ARHGAP24: variants seen among roughly 807,000 people sequenced by gnomAD.
ARHGAP24 encodes Rho GTPase activating protein 24, also known as rho GTPase-activating protein 24.
In ARHGAP24, 50 loss-of-function variants were observed where a neutral mutation model predicts 76.4. That is an observed-to-expected ratio of 0.65 (90% CI 0.52 to 0.83). The LOEUF is 0.83. Among genes scored for constraint, ARHGAP24 ranks in the 40% least tolerant of loss-of-function variants. ARHGAP24 has a pLI of 0.00. For synonymous variants in ARHGAP24, 345 were observed against 323.3 expected, an observed-to-expected ratio of 1.07 and a Z score of -0.72; for missense variants, 930 against 914.2, an observed-to-expected ratio of 1.02 and a Z score of -0.22.
intron 3 of ARHGAP24, among the ~76,000 whole-genome samples, chr4:85,776,273 C>G (rs1727306307): frequency 6.6e-6 from 1 of 152,106 alleles, no homozygotes; most frequent in South Asian, 2.1e-4. Context: ...ATAGCCTGCC[C>G]TGGAGTTCAC....
intron 1 of ARHGAP24, among the ~76,000 whole-genome samples, chr4:85,534,793 G>A (rs1483198014): frequency 6.6e-6 from 1 of 151,992 alleles, no homozygotes; most frequent in East Asian, 1.9e-4. Flanking sequence ...CTAACCTAAT[G>A]GAAGTGGAAG....
chr4:85,678,649 C>T (rs5020451), intron 2 of ARHGAP24, among the ~76,000 whole-genome samples: 141,256 of 152,218 alleles, frequency 0.93, 65,598 homozygotes, highest in East Asian at 0.98. Context: ...GTAAAGTCAG[C>T]ATCAATGTAT....
intron 2 of ARHGAP24, among the ~76,000 whole-genome samples, chr4:85,643,237 T>G (rs1283796233): frequency 2.0e-3 from 4 of 2,018 alleles, no homozygotes; most frequent in African/African-American, 9.0e-3. Context: ...TTTTTGTGTT[T>G]TTTTTTTTTT....
At chr4:85,848,793 T>TC (rs1366519231) in intron 3 of ARHGAP24, among the ~76,000 whole-genome samples, 1 of 152,182 alleles carries the variant, frequency 6.6e-6, no homozygotes, top group Non-Finnish European at 1.5e-5. Context: ...TCTGTTCTGT[T>TC]CCATTGGTCT....
At chr4:85,834,303 G>A (rs1322006342) in intron 3 of ARHGAP24, among the ~76,000 whole-genome samples, 1 of 152,140 alleles carries the variant, frequency 6.6e-6, no homozygotes, top group African/African-American at 2.4e-5. Flanking sequence ...CTTCCTCATA[G>A]TAGGTCCTTT....
chr4:85,495,020 G>A lies in ARHGAP24; in HGVS notation c.-21+19461G>A, dbSNP rs1723506896. ...GGCTGAGGTAGAATGGCATGAACCC[G>A]GGAGGCGGAGCTTGCAGTGAGCCGA... On this transcript the variant is annotated intron_variant, in intron 1 of 9. Transcript: ENST00000395184. Among the ~76,000 whole-genome samples the A allele has an allele frequency of 2.7e-5, 4 of 150,454 alleles. No homozygotes were observed. The South Asian group carries it at 8.4e-4, about 32-fold the overall frequency.
chr4:85,906,490 G>T (rs1282067054), intron 3 of ARHGAP24, among the ~76,000 whole-genome samples: 1 of 152,138 alleles, frequency 6.6e-6, no homozygotes, highest in East Asian at 1.9e-4. Flanking sequence ...AATTTTCTAT[G>T]ATAACTAGTT....
intron 1 of ARHGAP24, among the ~76,000 whole-genome samples, chr4:85,550,108 G>T (rs1270907883): frequency 6.6e-6 from 1 of 151,996 alleles, no homozygotes; most frequent in African/African-American, 2.4e-5. Context: ...TATTCCTTTG[G>T]GTATGTACTC....
chr4:85,477,010 T>G (rs1722625950), intron 1 of ARHGAP24, among the ~76,000 whole-genome samples: 1 of 152,144 alleles, frequency 6.6e-6, no homozygotes, highest in Non-Finnish European at 1.5e-5. Context: ...GACTTCACCT[T>G]TGACATCTTG....
intron 3 of ARHGAP24, among the ~76,000 whole-genome samples, chr4:85,770,310 G>A (rs1164675360): frequency 6.6e-6 from 1 of 152,164 alleles, no homozygotes; most frequent in East Asian, 1.9e-4. Flanking sequence ...GGGAGCCCAA[G>A]TAAGCTTAAT....
chr4:85,713,438 C>A lies in ARHGAP24; in HGVS notation c.181-8447C>A, dbSNP rs190049127. 3.3e-3 allele frequency among the ~76,000 whole-genome samples: 497 copies of A among 151,968 alleles called. 3 individuals are homozygous for A. Among genetic ancestry groups the A allele is most frequent in the Non-Finnish European group, 4.8e-3 (326 of 67,962 alleles). On this transcript the variant is annotated intron_variant, in intron 2 of 9. Transcript: ENST00000395184. ...TAGCAAAATAAAAATCATCTATAAC[C>A]TGACTATCCAAAAATAACCTATATT...
At chr4:85,804,324 A>T (rs904734661) in intron 3 of ARHGAP24, among the ~76,000 whole-genome samples, 1 of 152,210 alleles carries the variant, frequency 6.6e-6, no homozygotes, top group African/African-American at 2.4e-5. Context: ...GCTCTTCATC[A>T]TCTTTACAAC....
At chr4:85,864,907 A>G (rs973197349) in intron 3 of ARHGAP24, among the ~76,000 whole-genome samples, 2 of 152,164 alleles carry the variant, frequency 1.3e-5, no homozygotes, top group South Asian at 2.1e-4. Context: ...AATAAATTAT[A>G]ATACCATCTT....
chr4:85,639,387 A>G (rs897390256), intron 2 of ARHGAP24, among the ~76,000 whole-genome samples: 2 of 152,194 alleles, frequency 1.3e-5, no homozygotes, highest in African/African-American at 2.4e-5. Flanking sequence ...TTATAAAAAA[A>G]TCATTCAGGG....
At chr4:85,763,646 A>G (rs1254051735) in intron 3 of ARHGAP24, among the ~76,000 whole-genome samples, 1 of 152,082 alleles carries the variant, frequency 6.6e-6, no homozygotes, top group East Asian at 1.9e-4. Flanking sequence ...TTATTTCTTT[A>G]TTTTGAAGAG....
chr4:85,815,825 G>C (rs1262149486), intron 3 of ARHGAP24, among the ~76,000 whole-genome samples: 1 of 152,122 alleles, frequency 6.6e-6, no homozygotes, highest in Non-Finnish European at 1.5e-5. Context: ...TTTTCCCGCT[G>C]CTGATAAAGA....
intron 3 of ARHGAP24, among the ~76,000 whole-genome samples, chr4:85,780,685 GA>G (rs1727512563): frequency 2.0e-5 from 3 of 152,178 alleles, no homozygotes; most frequent in Admixed American, 1.3e-4. Context: ...GGACGAATAA[GA>G]GGCAATAACT....
At chr4:85,549,394 C>G (rs1307360456) in intron 1 of ARHGAP24, among the ~76,000 whole-genome samples, 1 of 151,276 alleles carries the variant, frequency 6.6e-6, no homozygotes, top group Non-Finnish European at 1.5e-5. Context: ...ATGTGCAATT[C>G]TCTGATATCT....
At chr4:85,664,706 T>C (rs1308659674) in intron 2 of ARHGAP24, among the ~76,000 whole-genome samples, 3 of 151,468 alleles carry the variant, frequency 2.0e-5, no homozygotes, top group Non-Finnish European at 2.9e-5. Flanking sequence ...GATTCTGGTA[T>C]GTTGTGTCTT....
Sources: gnomAD v4.1 joint callset for allele counts (sites outside exome capture counted in the v4.1 genomes callset) on GRCh38, gnomAD v4.1.1 for gene constraint, MANE v1.5 for transcripts, NCBI Gene and HGNC (gene_info 2026-07-23, HGNC 2026-07-21) for gene names.